NAALADL2: variants seen among roughly 807,000 people sequenced by gnomAD.
NAALADL2 encodes the protein inactive N-acetylated-alpha-linked acidic dipeptidase-like protein 2.
In NAALADL2, 76 loss-of-function variants were observed where a neutral mutation model predicts 87.2. The ratio of observed to expected loss-of-function variants is 0.87; its 90% CI spans 0.72 to 1.05. The LOEUF is 1.05. NAALADL2 is among the 50% of genes least tolerant of loss of function. NAALADL2 has a pLI of 0.00. For missense variants in NAALADL2, 1,089 were observed against 945.8 expected (o/e 1.15, Z -1.99); for synonymous variants, 354 against 331.0 (o/e 1.07, Z -0.75).
chr3:174,726,839 T>G (rs375984953), intron 2 of NAALADL2, among the ~76,000 whole-genome samples: 5 of 152,162 alleles, frequency 3.3e-5, no homozygotes, highest in African/African-American at 1.2e-4. Context: ...TATTGCTTTC[T>G]TCTATGTGCT....
At chr3:174,633,697 G>C (rs535129953) in intron 2 of NAALADL2, among the ~76,000 whole-genome samples, 3 of 152,220 alleles carry the variant, frequency 2.0e-5, no homozygotes, top group Admixed American at 2.0e-4. Context: ...CAGAAGCCAG[G>C]GTTTCCTCAG....
intron 11 of NAALADL2, among the ~76,000 whole-genome samples, chr3:175,734,538 C>T (rs1255208261): frequency 1.3e-5 from 2 of 151,880 alleles, no homozygotes; most frequent in African/African-American, 4.8e-5. Context: ...CCCTGGGCAA[C>T]AGAGCGAGAC....
intron 1 of NAALADL2, among the ~76,000 whole-genome samples, chr3:175,050,296 C>G (rs1356116803): frequency 6.6e-6 from 1 of 152,106 alleles, no homozygotes; most frequent in East Asian, 1.9e-4. Flanking sequence ...GAGTTTCACT[C>G]TTGTTGCCCA....
intron 3 of NAALADL2, among the ~76,000 whole-genome samples, chr3:175,245,251 A>G (rs1219570404): frequency 6.6e-6 from 1 of 152,174 alleles, no homozygotes; most frequent in Non-Finnish European, 1.5e-5. Context: ...ACAGCTATAT[A>G]ATCTCTAAGG....
chr3:175,538,127 G>T (rs1711596893), intron 9 of NAALADL2, among the ~76,000 whole-genome samples: 2 of 152,092 alleles, frequency 1.3e-5, no homozygotes, highest in African/African-American at 2.4e-5. Flanking sequence ...TAATATCAGT[G>T]ACAGTAGTCC....
At chr3:175,199,848 ATATATATATATATATATTTTTTTTTTTT>A (rs1404220586) in intron 2 of NAALADL2, among the ~76,000 whole-genome samples, 10 of 16,930 alleles carry the variant, frequency 5.9e-4, no homozygotes, top group Non-Finnish European at 1.0e-3. Context: ...ATATATATAT[ATATATATATATATATATTTTTTTTTTTT>A]TTTTTTTTTT....
chr3:174,853,556 C>A (rs1484154528), intron 3 of NAALADL2, among the ~76,000 whole-genome samples: 1 of 151,924 alleles, frequency 6.6e-6, no homozygotes, highest in Non-Finnish European at 1.5e-5. Context: ...AATTAAAAAC[C>A]TTCTGCAGAG....
In NAALADL2 at chr3:175,700,176, A is replaced by G. The variant is rs535376781; in HGVS notation, c.1897-37130A>G. Among the ~76,000 whole-genome samples, 6 of 152,264 alleles carry G rather than the reference A, an allele frequency of 3.9e-5. No individual in the cohort carries two copies. In the East Asian group the frequency reaches 1.2e-3, roughly 29 times the overall value. On this transcript the variant is annotated intron_variant, in intron 11 of 13. Transcript: ENST00000454872. ...AAATATTATACATTGGATTGTGTTT[A>G]TGCAAACTTATCTTAGCTGTGTGTA...
intron 2 of NAALADL2, among the ~76,000 whole-genome samples, chr3:174,589,479 C>A (rs1226825172): frequency 6.6e-6 from 1 of 152,186 alleles, no homozygotes; most frequent in East Asian, 1.9e-4. Context: ...TAGACTGGAG[C>A]TGTTCCTATT....
intron 2 of NAALADL2, among the ~76,000 whole-genome samples, chr3:174,640,917 A>C (rs565461450): frequency 6.6e-6 from 1 of 152,324 alleles, no homozygotes; most frequent in African/African-American, 2.4e-5. Flanking sequence ...AGGAGGAATT[A>C]TTAAAAATGC....
chr3:175,399,719 A>T (rs1304133047), intron 5 of NAALADL2, among the ~76,000 whole-genome samples: 1 of 151,226 alleles, frequency 6.6e-6, no homozygotes, highest in African/African-American at 2.4e-5. Flanking sequence ...TCTTTTGCCG[A>T]CCTCCTCTCT....
intron 5 of NAALADL2, among the ~76,000 whole-genome samples, chr3:175,357,397 T>C (rs1268381769): frequency 6.6e-6 from 1 of 152,212 alleles, no homozygotes; most frequent in Admixed American, 6.5e-5. Flanking sequence ...TCTGCCAACA[T>C]TCTTAGTACA....
intron 9 of NAALADL2, among the ~76,000 whole-genome samples, chr3:175,534,209 C>T (rs1008208967): frequency 1.6e-4 from 24 of 152,004 alleles, no homozygotes; most frequent in African/African-American, 5.6e-4. Flanking sequence ...CCTCTAGAAC[C>T]ACTCCTGGTA....
intron 3 of NAALADL2, among the ~76,000 whole-genome samples, chr3:175,236,648 CAT>C (rs113703762): frequency 4.6e-5 from 7 of 151,848 alleles, no homozygotes; most frequent in African/African-American, 1.7e-4. Flanking sequence ...AGCAAACTCT[CAT>C]AATAATGGAG....
At chr3:174,511,214 T>A (rs1719579877) in intron 1 of NAALADL2, among the ~76,000 whole-genome samples, 1 of 152,062 alleles carries the variant, frequency 6.6e-6, no homozygotes, top group Non-Finnish European at 1.5e-5. Context: ...CTTCTGTATA[T>A]GTACTGATTT....
chr3:174,544,946 G>A lies in NAALADL2; in HGVS notation c.-183-5623G>A, dbSNP rs139433206. Among the ~76,000 whole-genome samples, 3 of 152,062 alleles carry A rather than the reference G, an allele frequency of 2.0e-5. No individual in the cohort carries two copies. The East Asian group carries it at 5.8e-4, about 29-fold the overall frequency. On this transcript the variant is annotated intron_variant, in intron 1 of 3. Coordinates refer to the NAALADL2 transcript ENST00000434257. ...GCTGAAGTGCAGTGGTATGAACATG[G>A]CCCACTGCAGCCTTGATCTCCTAGG... is the stretch of plus-strand genomic sequence containing the variant.
intron 1 of NAALADL2, among the ~76,000 whole-genome samples, chr3:175,086,537 AC>A (rs1718957240): frequency 6.6e-6 from 1 of 152,128 alleles, no homozygotes; most frequent in South Asian, 2.1e-4. Context: ...ATAATAAATG[AC>A]TTTTCAAAGA....
intron 11 of NAALADL2, among the ~76,000 whole-genome samples, chr3:175,719,434 A>C (rs1471110802): frequency 2.0e-5 from 3 of 152,154 alleles, no homozygotes; most frequent in Non-Finnish European, 2.9e-5. Flanking sequence ...CCACATGTGG[A>C]AATGGTTTAC....
At chr3:175,127,944 G>C (rs79525692) in intron 2 of NAALADL2, among the ~76,000 whole-genome samples, 4,826 of 152,224 alleles carry the variant, frequency 0.032, 274 homozygotes, top group African/African-American at 0.11. Flanking sequence ...ATGTGATATA[G>C]TGTAGTTATA....
Sources: gnomAD v4.1 joint callset for allele counts (sites outside exome capture counted in the v4.1 genomes callset) on GRCh38, gnomAD v4.1.1 for gene constraint, MANE v1.5 for transcripts, NCBI Gene and HGNC (gene_info 2026-07-23, HGNC 2026-07-21) for gene names.